RBM39: variants seen among roughly 807,000 people sequenced by gnomAD.
RBM39 encodes the protein RNA binding motif protein 39, also known as RNA-binding protein 39.
In RBM39, 12 loss-of-function variants were observed where a neutral mutation model predicts 79.6. The observed-to-expected ratio is 0.15, with a 90% CI of 0.10 to 0.24. The LOEUF (loss-of-function observed/expected upper bound fraction) is 0.24, where lower values mean the gene tolerates loss of function less well. RBM39 is among the 10% of genes least tolerant of loss of function. RBM39 has a pLI of 1.00. For synonymous variants in RBM39, 185 were observed against 208.4 expected (o/e 0.89, Z 0.97); for missense variants, 243 against 653.4 (o/e 0.37, Z 6.85).
chr20:35,705,351 C>G, intron 14 of RBM39, 21 bp from the exon 15 acceptor site: 1 of 1,256,054 alleles, frequency 8.0e-7, no homozygotes, highest in Non-Finnish European at 1.1e-6. Context: ...GTATTAAGGA[C>G]TCTTAAATAC....
intron 4 of RBM39, among the ~76,000 whole-genome samples, 188 bp from the exon 5 acceptor site, chr20:35,729,715 T>C (rs1367192932): frequency 1.3e-5 from 2 of 152,176 alleles, no homozygotes; most frequent in African/African-American, 2.4e-5. Context: ...TTATCCATCC[T>C]GGACCACTGA....
rs1308941387 is a variant in RBM39, at chr20:35,704,302, T to C, written c.*179A>G. 1.2e-5 allele frequency: 6 copies of C among 512,528 alleles called. No homozygotes were observed. The highest frequency in any genetic ancestry group is 2.1e-5 in the Non-Finnish European group (6 of 288,902). The allele number at this position is 512,528 out of a possible 1,614,324, so 31.7% of individuals were successfully genotyped here. A position where few individuals can be genotyped will look rare whatever the true frequency, so the allele number is the denominator to read the frequency against. ...GTTTTGTATACAGTGGGATTTACTA[T>C]TTAGGGAGAATGAGCACACTGCATT... On this transcript the variant is annotated 3_prime_UTR_variant, in exon 17 of 17. Coordinates refer to ENST00000253363, the MANE Select transcript of RBM39 (RefSeq NM_184234.3).
intron 7 of RBM39, 129 bp downstream of exon 7, chr20:35,724,906 ATAC>A (rs2038469883): frequency 1.0e-6 from 1 of 993,730 alleles, no homozygotes; most frequent in Non-Finnish European, 1.5e-6. Flanking sequence ...ATCAACTCCA[ATAC>A]TACAAGAGGC....
chr20:35,737,848 C>CCAA (rs1468925578), intron 3 of RBM39, among the ~76,000 whole-genome samples: 22 of 40,428 alleles, frequency 5.4e-4, no homozygotes, highest in African/African-American at 1.8e-3. Flanking sequence ...GACTCCGTGT[C>CCAA]AAAAAAAAAA....
Position 35,703,366 on chromosome 20 carries a change from G to A in RBM39, c.*1115C>T, listed in dbSNP as rs1026573236. The A allele has an allele frequency of 5.9e-5, 9 of 152,128 alleles. No individual in the cohort carries two copies. Among genetic ancestry groups the A allele is most frequent in the Admixed American group, 1.3e-4 (2 of 15,254 alleles). The allele number at this position is 152,128 out of a possible 1,614,324, so 9.4% of individuals were successfully genotyped here. ...AATGCAGGAGACCAAGAATGCCCAGGTTTTAAGGCCAGGCTGTTTCCTTTT... is the reference window on the plus strand; with the variant it reads ...AATGCAGGAGACCAAGAATGCCCAGATTTTAAGGCCAGGCTGTTTCCTTTT... On this transcript the variant is annotated 3_prime_UTR_variant, in exon 17 of 17. Transcript: ENST00000253363.
intron 8 of RBM39, among the ~76,000 whole-genome samples, chr20:35,723,982 A>G (rs2038334710): frequency 6.6e-6 from 1 of 152,198 alleles, no homozygotes; most frequent in Non-Finnish European, 1.5e-5. Context: ...TCAAGGCTAC[A>G]GTGAGCTGTG....
At chr20:35,716,661 G>C in intron 10 of RBM39, 79 bp downstream of exon 10, 2 of 860,954 alleles carry the variant, frequency 2.3e-6, no homozygotes, top group South Asian at 1.6e-5. Flanking sequence ...CCAGGAGCTA[G>C]AGACTAATCT....
Position 35,714,282 on chromosome 20 carries a change from C to T in RBM39, c.999G>A (p.Ser333=), listed in dbSNP as rs752606169. ...CACTGTCCAAAAATGAACTAGCACT[C>T]GAAGCATCAGTACGTTCAGTAACAT... The part of the protein sequence containing the change: ...VGHVTERTDA[S]SASSFLDSDE... The change falls in exon 11 of 17, where the codon TCG becomes TCA. Residue 333 remains serine, a synonymous_variant. Coordinates refer to ENST00000253363, the MANE Select transcript of RBM39 (RefSeq NM_184234.3). The T allele has an allele frequency of 6.8e-6, 11 of 1,613,936 alleles. No individual in the cohort carries two copies. The highest frequency in any genetic ancestry group is 3.3e-5 in the South Asian group (3 of 91,082).
intron 11 of RBM39, 39 bp from the exon 12 acceptor site, chr20:35,713,135 A>G: frequency 1.9e-6 from 3 of 1,555,660 alleles, no homozygotes; most frequent in Non-Finnish European, 1.7e-6. Flanking sequence ...CTATGTTGAG[A>G]GCAGAGAAAC....
At chr20:35,731,022 T>C (rs980893814) in intron 4 of RBM39, among the ~76,000 whole-genome samples, 9 of 152,186 alleles carry the variant, frequency 5.9e-5, no homozygotes, top group African/African-American at 1.7e-4. Context: ...TACTCATTAA[T>C]AGCTTATCTG....
At chr20:35,716,451 A>C (rs1220223836) in intron 10 of RBM39, among the ~76,000 whole-genome samples, 1 of 152,216 alleles carries the variant, frequency 6.6e-6, no homozygotes, top group African/African-American at 2.4e-5. Flanking sequence ...TTGTACTTCT[A>C]CTATGCAACT....
At chr20:35,730,048 G>A (rs113303766) in intron 4 of RBM39, among the ~76,000 whole-genome samples, 9 of 152,172 alleles carry the variant, frequency 5.9e-5, no homozygotes, top group African/African-American at 2.2e-4. Flanking sequence ...GAATTCTTTA[G>A]TCATGCAACT....
At chr20:35,710,192 G>A (rs1319237501) in intron 12 of RBM39, 3 of 152,064 alleles carry the variant, frequency 2.0e-5, no homozygotes, top group Non-Finnish European at 4.4e-5. Context: ...TGATTCAACT[G>A]CAACACTTTA....
chr20:35,737,822 C>T (rs1251844303), intron 3 of RBM39, among the ~76,000 whole-genome samples: 1 of 127,546 alleles, frequency 7.8e-6, no homozygotes, highest in Non-Finnish European at 1.6e-5. Context: ...GCACTCCAGC[C>T]TGGGCAACAG....
rs117673196 is a variant in RBM39, at chr20:35,718,537, C to T, written c.826-1732G>A. 7.0e-4 allele frequency among the ~76,000 whole-genome samples: 106 copies of T among 151,990 alleles called. 6 individuals carry two copies. The East Asian group carries it at 0.02, about 29-fold the overall frequency. Reference sequence around the variant, plus strand: ...CTAAAACACAAAAAAGTAGGTTGGGCTCCGTGACTCATGCCTGTAATCCCA... The same window carrying T: ...CTAAAACACAAAAAAGTAGGTTGGGTTCCGTGACTCATGCCTGTAATCCCA... On this transcript the variant is annotated intron_variant, in intron 9 of 16. Transcript: ENST00000253363.
chr20:35,720,079 A>G, intron 9 of RBM39: 1 of 164,212 alleles, frequency 6.1e-6, no homozygotes, highest in Non-Finnish European at 1.4e-5. Context: ...GAGCCACTGC[A>G]CCTGGCCAGT....
intron 13 of RBM39, 44 bp downstream of exon 13, chr20:35,709,180 C>A: frequency 6.6e-7 from 1 of 1,517,586 alleles, no homozygotes; most frequent in South Asian, 1.2e-5. Flanking sequence ...ACATTTAATT[C>A]TATTTCAAAG....
chr20:35,724,708 C>T lies in RBM39; in HGVS notation c.549G>A (p.Arg183=). 1.2e-6 allele frequency: 2 copies of T among 1,613,982 alleles called. No homozygotes were observed. The highest frequency in any genetic ancestry group is 1.7e-6 in the Non-Finnish European group (2 of 1,179,938). The change falls in exon 8 of 17, where the codon AGG becomes AGA. Residue 183 remains arginine (R), a synonymous_variant. Transcript: ENST00000253363. ...GTCTTGAATTTCTGTCAGAAATCAT[C>T]CTCACATCTCGAACCTAGAAAGAAA... is the stretch of plus-strand genomic sequence containing the variant. The part of the protein sequence containing the change: ...FSTVGKVRDV[R]MISDRNSRRS...
rs571478536 is a variant in RBM39 at position 35,734,487 on chromosome 20, C to G, written c.102-2352G>C. 4 of 222,742 alleles carry G rather than the reference C, an allele frequency of 1.8e-5. No individual in the cohort carries two copies. The East Asian group carries it at 4.7e-4, about 26-fold the overall frequency. 13.8% of individuals were successfully genotyped at this position (222,742 alleles called of 1,614,324 possible). A position where few individuals can be genotyped will look rare whatever the true frequency, so the allele number is the denominator to read the frequency against. On this transcript the variant is annotated intron_variant, in intron 3 of 16. Coordinates refer to ENST00000253363, the MANE Select transcript of RBM39 (RefSeq NM_184234.3). ...TAAAACCAAAAGTCCTAAATATATT[C>G]AATTAGGGAACAAGGTAAAAAGTAA...
Sources: gnomAD v4.1 joint callset for allele counts (sites outside exome capture counted in the v4.1 genomes callset) on GRCh38, gnomAD v4.1.1 for gene constraint, MANE v1.5 for transcripts, NCBI Gene and HGNC (gene_info 2026-07-23, HGNC 2026-07-21) for gene names.